The following MACC1 variants were observed in gnomAD, a reference collection of about 807,000 sequenced individuals.
MACC1 encodes metastasis-associated in colon cancer protein 1.
Under a neutral mutation model 70.7 loss-of-function variants are expected in MACC1, and 79 were observed. The observed-to-expected ratio is 1.12, with a 90% CI of 0.93 to 1.35. MACC1 has a LOEUF of 1.35. Among genes scored for constraint, MACC1 ranks in the 40% most tolerant of loss-of-function variants. The pLI is 0.00. For synonymous variants in MACC1, 361 were observed against 347.2 expected (o/e 1.04, Z -0.44); for missense variants, 1,106 against 978.1 (o/e 1.13, Z -1.74).
chr7:20,142,773 CT>C (rs1372613163), intron 6 of MACC1, among the ~76,000 whole-genome samples: 9 of 152,264 alleles, frequency 5.9e-5, no homozygotes, highest in African/African-American at 2.2e-4. Flanking sequence ...TATATTCTGT[CT>C]GTAAAATCTC....
chr7:20,156,751 A>G (rs1315239202), intron 5 of MACC1, among the ~76,000 whole-genome samples: 1 of 152,202 alleles, frequency 6.6e-6, no homozygotes, highest in Non-Finnish European at 1.5e-5. Flanking sequence ...AAATATTGAA[A>G]GAGAGATAAT....
At chr7:20,202,953 G>A (rs1782854467) in intron 1 of MACC1, among the ~76,000 whole-genome samples, 1 of 152,130 alleles carries the variant, frequency 6.6e-6, no homozygotes, top group Admixed American at 6.5e-5. Context: ...CTTTATATGT[G>A]AGCAAAGATA....
chr7:20,191,411 T>A (rs1357665899), intron 1 of MACC1, among the ~76,000 whole-genome samples: 2 of 152,028 alleles, frequency 1.3e-5, no homozygotes. Context: ...ACAGCTGGGA[T>A]GAAGTGTGTT....
At chr7:20,148,752 T>C (rs914326467) in intron 6 of MACC1, among the ~76,000 whole-genome samples, 1 of 152,188 alleles carries the variant, frequency 6.6e-6, no homozygotes, top group Non-Finnish European at 1.5e-5. Context: ...TTGTACAAAG[T>C]AGACATGGTA....
chr7:20,154,001 G>T (rs1354135567), intron 6 of MACC1, among the ~76,000 whole-genome samples, 192 bp downstream of exon 6: 1 of 152,108 alleles, frequency 6.6e-6, no homozygotes, highest in Non-Finnish European at 1.5e-5. Flanking sequence ...TATTTTAAGG[G>T]CTCTCAATGC....
intron 1 of MACC1, among the ~76,000 whole-genome samples, chr7:20,193,236 GT>G (rs1782698997): frequency 6.6e-6 from 1 of 152,098 alleles, no homozygotes; most frequent in Non-Finnish European, 1.5e-5. Flanking sequence ...TAACCTAAAT[GT>G]TTGGTAATGG....
intron 1 of MACC1, among the ~76,000 whole-genome samples, chr7:20,204,202 T>C (rs1782874278): frequency 6.6e-6 from 1 of 152,214 alleles, no homozygotes; most frequent in African/African-American, 2.4e-5. Context: ...TTGCACAGGC[T>C]GGAGTGTAGT....
At chr7:20,179,242 GAA>G (rs34648768) in intron 1 of MACC1, among the ~76,000 whole-genome samples, 12 of 150,322 alleles carry the variant, frequency 8.0e-5, no homozygotes, top group African/African-American at 2.2e-4. Flanking sequence ...CTATCTTACA[GAA>G]AAAAAAAATT....
In MACC1 at chr7:20,158,753, A is replaced by C. The variant is rs138692973; in HGVS notation, c.1608T>G (p.Ile536Met). The C allele has an allele frequency of 6.2e-7, 1 of 1,613,978 alleles. No homozygotes were observed. Among genetic ancestry groups the C allele is most frequent in the East Asian group, 2.2e-5 (1 of 44,874 alleles). ...CTTGAAATGTAGGATATTTAACAAG[A>C]ATTTTTGGTGATAAAGGAGCAGACT... ...EIKSAPLSPK[I>M]LVKYPTFQDK... Residue 536 changes from isoleucine to methionine, a missense_variant, in exon 5 of 7, where the codon ATT becomes ATG. Ile to Met is a conservative substitution (Grantham distance 10, BLOSUM62 1). Coordinates refer to ENST00000400331, the MANE Select transcript of MACC1 (RefSeq NM_182762.4).
chr7:20,155,652 T>C (rs1260050579), intron 5 of MACC1, among the ~76,000 whole-genome samples: 3 of 152,166 alleles, frequency 2.0e-5, no homozygotes, highest in Non-Finnish European at 2.9e-5. Flanking sequence ...TAAGTTAAAA[T>C]GAATAAGCAA....
chr7:20,140,824 CAGACACACACACACAG>C lies in MACC1; in HGVS notation c.*106_*121del, dbSNP rs1211314751. 5 of 563,274 alleles carry C rather than the reference CAGACACACACACACAG, an allele frequency of 8.9e-6. No individual in the cohort carries two copies. In the African/African-American group the frequency reaches 1.5e-4, roughly 17 times the overall value. The allele number at this position is 563,274 out of a possible 1,614,324, so 34.9% of individuals were successfully genotyped here. A position where few individuals can be genotyped will look rare whatever the true frequency, so the allele number is the denominator to read the frequency against. On this transcript the variant is annotated 3_prime_UTR_variant, in exon 7 of 7. Transcript: ENST00000400331. Reference sequence around the variant, plus strand: ...TCCTACACACACACACACACACACACAGACACACACACACAGACACACACACACAGACACACAGAGA... The same window carrying C: ...TCCTACACACACACACACACACACACACACACACACACAGACACACAGAGA...
chr7:20,204,304 A>G lies in MACC1; in HGVS notation c.-218+12995T>C, dbSNP rs768175404. On this transcript the variant is annotated intron_variant, in intron 1 of 6. Coordinates refer to ENST00000400331, the MANE Select transcript of MACC1 (RefSeq NM_182762.4). The stretch of plus-strand genomic sequence containing the variant: ...AGAGCAGCTGGGACCACAGGCGCCC[A>G]CCACCACGCCCGGCTAATTTTTTGT... 9.2e-5 allele frequency among the ~76,000 whole-genome samples: 14 copies of G among 151,922 alleles called. No homozygotes were observed. The South Asian group carries it at 1.2e-3, about 14-fold the overall frequency.
rs1165992457 is a variant in MACC1 at position 20,159,157 on chromosome 7, T to C, written c.1204A>G (p.Ile402Val). 6.2e-7 allele frequency: 1 copy of C among 1,613,922 alleles called. No homozygotes were observed. The highest frequency in any genetic ancestry group is 8.5e-7 in the Non-Finnish European group (1 of 1,180,018). Residue 402 changes from isoleucine to valine, a missense_variant, in exon 5 of 7, where the codon ATT becomes GTT. Ile to Val is a conservative substitution (Grantham distance 29). Coordinates refer to ENST00000400331, the MANE Select transcript of MACC1 (RefSeq NM_182762.4). ...TTTCCACCCTTCTTAATATCAGAAA[T>C]TGTAAGCTGTCCTGGCATATAATTG... ...GHNYMPGQLT[I>V]SDIKKGGKNI... is the part of the protein sequence containing the mutation.
In MACC1 at chr7:20,204,355, C is replaced by T. The variant is rs180702873; in HGVS notation, c.-218+12944G>A. 4.9e-3 allele frequency among the ~76,000 whole-genome samples: 741 copies of T among 152,208 alleles called. 9 individuals carry two copies. Among genetic ancestry groups the T allele is most frequent in the African/African-American group, 0.017 (700 of 41,520 alleles). On this transcript the variant is annotated intron_variant, in intron 1 of 6. Coordinates refer to ENST00000400331, the MANE Select transcript of MACC1 (RefSeq NM_182762.4). The stretch of plus-strand genomic sequence containing the variant: ...ATTTTTAGTAGAGATGGGGTTTCAC[C>T]GTGTTAGCCAGGATGGTCTCGATCT...
At chr7:20,155,827 T>C (rs1369608918) in intron 5 of MACC1, among the ~76,000 whole-genome samples, 1 of 152,212 alleles carries the variant, frequency 6.6e-6, no homozygotes, top group African/African-American at 2.4e-5. Flanking sequence ...ATGGTGCTTT[T>C]AGTAAACTGT....
intron 1 of MACC1, among the ~76,000 whole-genome samples, chr7:20,180,574 A>T (rs780774378): frequency 2.6e-5 from 4 of 151,440 alleles, no homozygotes; most frequent in Non-Finnish European, 5.9e-5. Flanking sequence ...GCCTGGGCGC[A>T]GTGGCCACGC....
intron 1 of MACC1, among the ~76,000 whole-genome samples, chr7:20,177,040 G>C (rs1782403684): frequency 6.6e-6 from 1 of 152,074 alleles, no homozygotes; most frequent in Non-Finnish European, 1.5e-5. Flanking sequence ...AAATGTCAAA[G>C]AGCTATACAT....
At chr7:20,201,462 G>A (rs1296908619) in intron 1 of MACC1, among the ~76,000 whole-genome samples, 2 of 152,120 alleles carry the variant, frequency 1.3e-5, no homozygotes, top group Non-Finnish European at 2.9e-5. Context: ...TGGGGTAGGG[G>A]CAGAGGCAAG....
chr7:20,217,090 C>G (rs1186388611), intron 1 of MACC1, among the ~76,000 whole-genome samples: 1 of 152,054 alleles, frequency 6.6e-6, no homozygotes, highest in Non-Finnish European at 1.5e-5. Context: ...AACCATGTCT[C>G]AAGGTATTAT....
Sources: gnomAD v4.1 joint callset for allele counts (sites outside exome capture counted in the v4.1 genomes callset) on GRCh38, gnomAD v4.1.1 for gene constraint, MANE v1.5 for transcripts, NCBI Gene and HGNC (gene_info 2026-07-23, HGNC 2026-07-21) for gene names.